CAPN7: variants seen among roughly 807,000 people sequenced by gnomAD.
CAPN7 encodes calpain-7.
CAPN7 carries 72 observed loss-of-function variants against 115.2 expected under a neutral mutation model. The ratio of observed to expected loss-of-function variants is 0.63; its 90% CI spans 0.52 to 0.76. The LOEUF is 0.76. Among genes scored for constraint, CAPN7 ranks in the 30% least tolerant of loss-of-function variants. The pLI is 0.00. For missense variants in CAPN7, 905 were observed against 971.5 expected (o/e 0.93, Z 0.91); for synonymous variants, 344 against 322.3 (o/e 1.07, Z -0.72).
chr3:15,223,702 G>A, intron 6 of CAPN7, 141 bp downstream of exon 6: 1 of 602,856 alleles, frequency 1.7e-6, no homozygotes, highest in South Asian at 2.1e-5. Flanking sequence ...AAGGGATAGG[G>A]CAACATAGCA....
intron 6 of CAPN7, 137 bp from the exon 7 acceptor site, chr3:15,227,702 A>T (rs1403868807): frequency 7.1e-6 from 3 of 425,436 alleles, no homozygotes; most frequent in Non-Finnish European, 1.2e-5. Flanking sequence ...GCCAGATTTG[A>T]CCAGAAGGTT....
At chr3:15,221,722 C>T (rs993886736) in intron 5 of CAPN7, among the ~76,000 whole-genome samples, 1 of 151,976 alleles carries the variant, frequency 6.6e-6, no homozygotes, top group African/African-American at 2.4e-5. Context: ...GCAATCCCAG[C>T]ATTTTGGGAG....
chr3:15,235,550 C>CT (rs1336258339), intron 12 of CAPN7, among the ~76,000 whole-genome samples: 5 of 151,350 alleles, frequency 3.3e-5, no homozygotes, highest in Admixed American at 3.3e-4. Flanking sequence ...TTTCCACAGA[C>CT]TGGGGGGTGG....
At chr3:15,240,409 G>A in intron 12 of CAPN7, 64 bp from the exon 13 acceptor site, 1 of 1,420,772 alleles carries the variant, frequency 7.0e-7, no homozygotes, top group Non-Finnish European at 9.7e-7. Context: ...CCTCTAATAA[G>A]AGAACTAATA....
At position 15,233,963 on chromosome 3, in the gene CAPN7, C is replaced by T. The variant is rs1389582614; in HGVS notation, c.1276C>T (p.Leu426Phe). Residue 426 changes from leucine (L) to phenylalanine (F), a missense_variant, in exon 11 of 21, where the codon CTT becomes TTT. Leu to Phe is a conservative substitution (Grantham distance 22). Around this residue, in one of 3 missense-constraint regions of CAPN7, gnomAD observed 620 missense variants for 703.4 expected, o/e 0.88. Transcript: ENST00000253693. Reference sequence around the variant, plus strand: ...CAGTAAGGATAATTCTTTCAGAATGCTTTATCAAAGGTAAACATTTTTCTT... The same window carrying T: ...CAGTAAGGATAATTCTTTCAGAATGTTTTATCAAAGGTAAACATTTTTCTT... ...TFSKDNSFRM[L>F]YQRFHKGDVL... is the part of the protein sequence containing the mutation. The T allele has an allele frequency of 1.3e-6, 2 of 1,540,348 alleles. No individual in the cohort carries two copies. The highest frequency in any genetic ancestry group is 1.8e-6 in the Non-Finnish European group (2 of 1,118,392).
In CAPN7 at chr3:15,251,491, G is replaced by T; in HGVS notation, c.*231G>T. The T allele has an allele frequency of 2.9e-6, 1 of 345,426 alleles. No homozygotes were observed. The highest frequency in any genetic ancestry group is 5.2e-6 in the Non-Finnish European group (1 of 192,910). 21.4% of individuals were successfully genotyped at this position (345,426 alleles called of 1,614,324 possible). On this transcript the variant is annotated 3_prime_UTR_variant, in exon 21 of 21. Transcript: ENST00000253693. ...ACATGGTTTTGTGTATATAGAGTTG[G>T]CTTGCATTTTAGGGGCCATTTTGTA...
At chr3:15,251,072 G>A in intron 20 of CAPN7, 44 bp from the exon 21 acceptor site, 1 of 1,598,908 alleles carries the variant, frequency 6.3e-7, no homozygotes. Flanking sequence ...ACTTTTTGTG[G>A]CATCATCTTC....
chr3:15,248,285 C>A (rs901001606), intron 19 of CAPN7, among the ~76,000 whole-genome samples: 2 of 152,154 alleles, frequency 1.3e-5, no homozygotes, highest in Non-Finnish European at 2.9e-5. Context: ...AACATATATT[C>A]ATTGACAACA....
At chr3:15,232,228 G>T (rs1159036157) in intron 9 of CAPN7, 1 of 339,902 alleles carries the variant, frequency 2.9e-6, no homozygotes, top group East Asian at 9.0e-5. Flanking sequence ...TCAAATTTTA[G>T]ATTTTTTATT....
Position 15,228,996 on chromosome 3 carries a change from T to G in CAPN7, c.875T>G (p.Phe292Cys). Reference protein sequence around the residue: ...IKQTIVSDCSFVASLAISAAY... With the variant: ...IKQTIVSDCSCVASLAISAAY... ...CAGACAATAGTATCGGATTGCTCCT[T>G]TGTGGCATCACTGGCCATCAGTGCA... The change falls in exon 8 of 21, where the codon TTT (phenylalanine) becomes TGT (cysteine). Residue 292 changes from phenylalanine to cysteine, a missense_variant. Phe to Cys is a radical substitution (Grantham distance 205). Around this residue, in one of 3 missense-constraint regions of CAPN7, gnomAD observed 620 missense variants for 703.4 expected, o/e 0.88. Coordinates refer to ENST00000253693, the MANE Select transcript of CAPN7 (RefSeq NM_014296.3). The G allele has an allele frequency of 6.2e-7, 1 of 1,613,052 alleles. No homozygotes were observed. The highest frequency in any genetic ancestry group is 8.5e-7 in the Non-Finnish European group (1 of 1,179,224).
At position 15,206,311 on chromosome 3, in the gene CAPN7, C is replaced by A. The variant is rs577264731; in HGVS notation, c.-185C>A. On this transcript the variant is annotated 5_prime_UTR_variant, in exon 1 of 21. Transcript: ENST00000253693. ...TACAAGCCGGGTCTGGGCTGAGGGG[C>A]GCGGCTTCGCGGTGGACCCCAGCCC... 1,323 of 527,914 alleles carry A rather than the reference C, an allele frequency of 2.5e-3. 3 individuals are homozygous for A. Among genetic ancestry groups the A allele is most frequent in the Non-Finnish European group, 4.0e-3 (1,200 of 301,020 alleles). 32.7% of individuals were successfully genotyped at this position (527,914 alleles called of 1,614,324 possible). A position where few individuals can be genotyped will look rare whatever the true frequency, so the allele number is the denominator to read the frequency against.
intron 16 of CAPN7, among the ~76,000 whole-genome samples, chr3:15,245,167 T>C (rs1373484052): frequency 6.6e-6 from 1 of 150,486 alleles, no homozygotes; most frequent in Non-Finnish European, 1.5e-5. Flanking sequence ...TATTTTTATA[T>C]ACTTCTTTTT....
At chr3:15,213,943 G>A (rs1056800185) in intron 2 of CAPN7, among the ~76,000 whole-genome samples, 3 of 150,076 alleles carry the variant, frequency 2.0e-5, no homozygotes, top group Admixed American at 6.6e-5. Context: ...GCAGTGGCGC[G>A]ATCTCAGCTC....
chr3:15,224,607 G>GAA (rs59743200), intron 6 of CAPN7, among the ~76,000 whole-genome samples: 7 of 147,662 alleles, frequency 4.7e-5, no homozygotes, highest in African/African-American at 1.5e-4. Flanking sequence ...TAGATGCATA[G>GAA]AAAAAAAAAA....
At position 15,218,544 on chromosome 3, in the gene CAPN7, A is replaced by T. The variant is rs769171781; in HGVS notation, c.437+4A>T. On this transcript the variant is annotated splice_donor_region_variant and intron_variant, in intron 4 of 20. Transcript: ENST00000253693. ...TGGCTCGACAGGCACTAGACAGGTGAGTTTGATCTCTCAAGTTCTAATCCA... is the reference window on the plus strand; with the variant it reads ...TGGCTCGACAGGCACTAGACAGGTGTGTTTGATCTCTCAAGTTCTAATCCA... 6 of 1,607,106 alleles carry T rather than the reference A, an allele frequency of 3.7e-6. No homozygotes were observed. Among genetic ancestry groups the T allele is most frequent in the Non-Finnish European group, 5.1e-6 (6 of 1,174,184 alleles).
intron 1 of CAPN7, 34 bp downstream of exon 1, chr3:15,206,631 C>G: frequency 6.7e-7 from 1 of 1,490,072 alleles, no homozygotes; most frequent in South Asian, 1.2e-5. Flanking sequence ...GTCGGAGTTG[C>G]TCAGTCGGAG....
intron 19 of CAPN7, among the ~76,000 whole-genome samples, chr3:15,250,665 C>CT (rs1473714778): frequency 6.6e-6 from 1 of 152,126 alleles, no homozygotes; most frequent in Non-Finnish European, 1.5e-5. Flanking sequence ...GAGTGAGACT[C>CT]TGTCTCAAAA....
chr3:15,206,305 G>C lies in CAPN7; in HGVS notation c.-191G>C, dbSNP rs1559379043. ...GTGGGCTACAAGCCGGGTCTGGGCT[G>C]AGGGGCGCGGCTTCGCGGTGGACCC... is the stretch of plus-strand genomic sequence containing the variant. On this transcript the variant is annotated 5_prime_UTR_variant, in exon 1 of 21. Transcript: ENST00000253693. The C allele has an allele frequency of 1.5e-5, 8 of 524,972 alleles. No homozygotes were observed. The highest frequency in any genetic ancestry group is 2.7e-5 in the Non-Finnish European group (8 of 299,062). The allele number at this position is 524,972 out of a possible 1,614,324, so 32.5% of individuals were successfully genotyped here. A position where few individuals can be genotyped will look rare whatever the true frequency, so the allele number is the denominator to read the frequency against.
intron 2 of CAPN7, 47 bp from the exon 3 acceptor site, chr3:15,217,378 C>G: frequency 1.4e-6 from 2 of 1,411,474 alleles, no homozygotes; most frequent in East Asian, 2.6e-5. Context: ...TGTTTTCTGG[C>G]TGTATTTAGA....
Sources: gnomAD v4.1 joint callset for allele counts (sites outside exome capture counted in the v4.1 genomes callset) on GRCh38, gnomAD v4.1.1 for gene constraint, gnomAD v4.1.1 regional missense constraint, MANE v1.5 for transcripts, NCBI Gene and HGNC (gene_info 2026-07-23, HGNC 2026-07-21) for gene names.